Variants in SEPTIN10 observed in about 807,000 individuals in gnomAD.
The protein encoded by SEPTIN10 is septin 10.
SEPTIN10 carries 66 observed loss-of-function variants against 54.8 expected under a neutral mutation model. That is an observed-to-expected ratio of 1.21 (90% CI 0.99 to 1.48). SEPTIN10 has a LOEUF of 1.48. Ranked by LOEUF, SEPTIN10 falls within the 40% of genes most tolerant of loss-of-function variation. The probability of loss-of-function intolerance (pLI) is 0.00; values close to 1 mark genes in which losing one functional copy is unlikely to be tolerated. For missense variants in SEPTIN10, 620 were observed against 545.6 expected (o/e 1.14, Z -1.36); for synonymous variants, 161 against 181.0 (o/e 0.89, Z 0.89).
At chr2:109,548,139 G>GA (rs75741243) in intron 9 of SEPTIN10, among the ~76,000 whole-genome samples, 133,673 of 151,878 alleles carry the variant, frequency 0.88, 58,922 homozygotes, top group Middle Eastern at 0.97. Context: ...AAGGTCCAAG[G>GA]AGAATGTAGG....
At chr2:109,577,767 G>GCC (rs996693248) in intron 4 of SEPTIN10, among the ~76,000 whole-genome samples, 36 of 151,484 alleles carry the variant, frequency 2.4e-4, no homozygotes, top group African/African-American at 8.2e-4. Flanking sequence ...ACAAAAATTA[G>GCC]CCAGGTGGGG....
intron 1 of SEPTIN10, among the ~76,000 whole-genome samples, chr2:109,610,112 C>CA (rs1020292704): frequency 4.3e-4 from 63 of 147,376 alleles, no homozygotes; most frequent in African/African-American, 1.6e-3. Flanking sequence ...TTTTTTTAGA[C>CA]AGAGTCTCAC....
intron 1 of SEPTIN10, among the ~76,000 whole-genome samples, chr2:109,612,128 C>A (rs1428072951): frequency 6.6e-6 from 1 of 151,956 alleles, no homozygotes; most frequent in Non-Finnish European, 1.5e-5. Flanking sequence ...GAATACTACC[C>A]CAGCAAACTG....
intron 4 of SEPTIN10, among the ~76,000 whole-genome samples, chr2:109,584,343 C>T (rs1187040274): frequency 4.0e-5 from 6 of 151,890 alleles, no homozygotes; most frequent in African/African-American, 9.7e-5. Context: ...GGTGTGGTGG[C>T]AGGTGCCTGT....
chr2:109,571,351 C>T (rs1466413719), intron 5 of SEPTIN10, among the ~76,000 whole-genome samples: 1 of 152,148 alleles, frequency 6.6e-6, no homozygotes, highest in Non-Finnish European at 1.5e-5. Context: ...GTTGCGTGAA[C>T]ATCACAGAGT....
chr2:109,551,671 C>T (rs533773115), intron 9 of SEPTIN10, among the ~76,000 whole-genome samples: 22 of 152,244 alleles, frequency 1.4e-4, no homozygotes, highest in Admixed American at 9.2e-4. Context: ...CATCAAAATT[C>T]GCATTATAAA....
intron 9 of SEPTIN10, among the ~76,000 whole-genome samples, chr2:109,548,882 A>T (rs1682089112): frequency 6.6e-6 from 1 of 152,044 alleles, no homozygotes; most frequent in African/African-American, 2.4e-5. Context: ...TGGTCTAATA[A>T]AACTGTTATG....
At chr2:109,589,639 G>T (rs1214427550) in intron 2 of SEPTIN10, among the ~76,000 whole-genome samples, 1 of 152,114 alleles carries the variant, frequency 6.6e-6, no homozygotes, top group African/African-American at 2.4e-5. Context: ...TGAAGAAATG[G>T]AATGCTGATA....
intron 5 of SEPTIN10, 70 bp from the exon 6 acceptor site, chr2:109,568,046 C>T: frequency 8.2e-7 from 1 of 1,214,490 alleles, no homozygotes; most frequent in East Asian, 2.5e-5. Context: ...TGTTTTTTCA[C>T]TCAAAACTGT....
At chr2:109,607,530 A>C (rs1698269555) in intron 1 of SEPTIN10, among the ~76,000 whole-genome samples, 1 of 152,180 alleles carries the variant, frequency 6.6e-6, no homozygotes, top group Non-Finnish European at 1.5e-5. Context: ...ACCAAAGCTC[A>C]ACCTTATCTG....
intron 2 of SEPTIN10, among the ~76,000 whole-genome samples, chr2:109,586,963 A>G (rs1183048408): frequency 1.3e-5 from 2 of 152,220 alleles, no homozygotes; most frequent in Non-Finnish European, 2.9e-5. Flanking sequence ...TAGCATCTCT[A>G]CAGTATCTAC....
At chr2:109,611,859 TG>T (rs1204302742) in intron 1 of SEPTIN10, among the ~76,000 whole-genome samples, 1 of 152,180 alleles carries the variant, frequency 6.6e-6, no homozygotes, top group East Asian at 1.9e-4. Context: ...GTGCAGAAAC[TG>T]GACCTCTCAT....
At chr2:109,550,311 CT>C (rs796411788) in intron 9 of SEPTIN10, among the ~76,000 whole-genome samples, 255 of 142,982 alleles carry the variant, frequency 1.8e-3, no homozygotes, top group African/African-American at 3.6e-3. Flanking sequence ...AAAAAAGTAT[CT>C]TTTTTTTTTT....
intron 2 of SEPTIN10, 113 bp from the exon 3 acceptor site, chr2:109,585,951 T>C (rs1484981171): frequency 1.0e-5 from 7 of 689,774 alleles, no homozygotes; most frequent in Admixed American, 2.8e-5. Context: ...ATTTTTATAA[T>C]CATTATACCT....
chr2:109,577,843 G>C (rs865776885), intron 4 of SEPTIN10, among the ~76,000 whole-genome samples: 1 of 150,744 alleles, frequency 6.6e-6, no homozygotes. Flanking sequence ...AACCCAGGAG[G>C]GGGAGGTTAC....
At chr2:109,563,286 T>G (rs1686137350) in intron 8 of SEPTIN10, among the ~76,000 whole-genome samples, 1 of 152,172 alleles carries the variant, frequency 6.6e-6, no homozygotes, top group Non-Finnish European at 1.5e-5. Context: ...ACTGAAGAAA[T>G]TTAAAAATTT....
At chr2:109,608,901 C>T (rs897314288) in intron 1 of SEPTIN10, among the ~76,000 whole-genome samples, 11 of 152,144 alleles carry the variant, frequency 7.2e-5, no homozygotes, top group African/African-American at 2.7e-4. Context: ...ACTAGGAATG[C>T]TCAAAATCTA....
rs1683434354 is a variant in SEPTIN10 at position 109,553,164 on chromosome 2, T to A, written c.1084A>T (p.Lys362Ter). ...AACATCTGTTTCATTTCTTCTTCCT[T>A]CCTCTGACGTTCACCATGGAACTCA... ...RHEFHGERQR[K>*]EEEMKQMFVQ... is the part of the protein sequence containing the mutation. The change falls in exon 9 of 11, where the codon AAG (lysine) becomes TAG (stop). Residue 362 changes from lysine to a stop codon, truncating the protein, a stop_gained. Coordinates refer to ENST00000397712, the MANE Select transcript of SEPTIN10 (RefSeq NM_144710.5). LOFTEE classifies it high-confidence loss of function. 2.5e-6 allele frequency: 4 copies of A among 1,614,164 alleles called. No homozygotes were observed. The highest frequency in any genetic ancestry group is 3.4e-6 in the Non-Finnish European group (4 of 1,180,018).
At chr2:109,576,497 A>T (rs1215025059) in intron 4 of SEPTIN10, among the ~76,000 whole-genome samples, 1 of 152,198 alleles carries the variant, frequency 6.6e-6, no homozygotes, top group Non-Finnish European at 1.5e-5. Flanking sequence ...AGTGATTATT[A>T]TAACAACAGT....
Sources: allele counts gnomAD v4.1 joint callset (sites outside exome capture counted in the v4.1 genomes callset), GRCh38; gene constraint gnomAD v4.1.1; transcripts MANE v1.5; gene names NCBI Gene and HGNC (gene_info 2026-07-23, HGNC 2026-07-21).